The following IL5 variants were observed in gnomAD, a reference collection of about 807,000 sequenced individuals.
The protein encoded by IL5 is interleukin 5.
Under a neutral mutation model 16.3 loss-of-function variants are expected in IL5, and 12 were observed. That is an observed-to-expected ratio of 0.74 (90% CI 0.47 to 1.20). The LOEUF (loss-of-function observed/expected upper bound fraction) is 1.20. Ranked by LOEUF, IL5 falls within the 50% of genes most tolerant of loss-of-function variation. The probability of loss-of-function intolerance (pLI) is 0.00; values close to 1 mark genes in which losing one functional copy is unlikely to be tolerated. For synonymous variants in IL5, 54 were observed against 56.6 expected, an observed-to-expected ratio of 0.95 and a Z score of 0.21; for missense variants, 159 against 153.9, an observed-to-expected ratio of 1.03 and a Z score of -0.17.
chr5:132,554,866 C>T (rs1749947134), intron 1 of IL5, among the ~76,000 whole-genome samples: 1 of 152,126 alleles, frequency 6.6e-6, no homozygotes, highest in South Asian at 2.1e-4. Flanking sequence ...TTAAAAACGA[C>T]CTGAATTCTG....
intron 1 of IL5, 90 bp from the exon 2 acceptor site, chr5:132,543,216 C>T: frequency 1.4e-6 from 2 of 1,393,764 alleles, no homozygotes; most frequent in Middle Eastern, 1.8e-4. Context: ...AGTTATCACC[C>T]ATGTACTAAT....
At chr5:132,553,735 G>A (rs1190732761) in intron 1 of IL5, among the ~76,000 whole-genome samples, 1 of 151,954 alleles carries the variant, frequency 6.6e-6, no homozygotes, top group East Asian at 1.9e-4. Flanking sequence ...AGGGGATAGA[G>A]ACCATCCTGG....
At chr5:132,547,823 A>G (rs1247310965), upstream of IL5, among the ~76,000 whole-genome samples, 2 of 152,192 alleles carry the variant, frequency 1.3e-5, no homozygotes, top group Non-Finnish European at 2.9e-5. Flanking sequence ...TAACCCCAGC[A>G]CTTTGGGAGG....
intron 1 of IL5, among the ~76,000 whole-genome samples, chr5:132,548,740 C>A (rs187650303): frequency 2.0e-5 from 3 of 152,200 alleles, no homozygotes; most frequent in Admixed American, 2.0e-4. Flanking sequence ...CTTGAGCTAC[C>A]GGGATAAACT....
upstream of IL5, among the ~76,000 whole-genome samples, chr5:132,544,519 T>G (rs2149823813): frequency 6.6e-6 from 1 of 152,336 alleles, no homozygotes; most frequent in East Asian, 1.9e-4. Context: ...GTCCTCTCCT[T>G]TATGTCCCAT....
chr5:132,546,869 CA>C (rs1174648610), upstream of IL5, among the ~76,000 whole-genome samples: 1 of 151,830 alleles, frequency 6.6e-6, no homozygotes, highest in Non-Finnish European at 1.5e-5. Context: ...ACTAAAAATA[CA>C]AAAAAATTAG....
chr5:132,554,441 A>G (rs1358101335), intron 1 of IL5, among the ~76,000 whole-genome samples: 1 of 151,982 alleles, frequency 6.6e-6, no homozygotes, highest in African/African-American at 2.4e-5. Flanking sequence ...CAATAAACAC[A>G]TGAAATGATG....
chr5:132,544,085 A>ATT (rs1749746673), upstream of IL5, among the ~76,000 whole-genome samples: 1 of 152,208 alleles, frequency 6.6e-6, no homozygotes, highest in Non-Finnish European at 1.5e-5. Context: ...TAAAGAGGGA[A>ATT]GGTATTGGCT....
At position 132,556,548 on chromosome 5, in the gene IL5, T is replaced by C. The variant is rs937813614; in HGVS notation, c.42+126A>G. 5 of 362,834 alleles carry C rather than the reference T, an allele frequency of 1.4e-5. No individual in the cohort carries two copies. The Middle Eastern group carries it at 1.2e-3, about 90-fold the overall frequency. The allele number at this position is 362,834 out of a possible 1,614,324, so 22.5% of individuals were successfully genotyped here. A position where few individuals can be genotyped will look rare whatever the true frequency, so the allele number is the denominator to read the frequency against. On this transcript the variant is annotated intron_variant, in intron 1 of 2. Coordinates refer to the IL5 transcript ENST00000450655. ...GTATTTCTAAGCGCAAGAATACACA[T>C]GCGCACATTCCATTAACCGCCACTG...
At chr5:132,550,689 T>C (rs568999412) in intron 1 of IL5, among the ~76,000 whole-genome samples, 2 of 152,354 alleles carry the variant, frequency 1.3e-5, no homozygotes, top group South Asian at 2.1e-4. Flanking sequence ...AAAATAGCTT[T>C]GTTTAATCTT....
exon 1 of IL5, chr5:132,556,713 C>G (rs1270685928): frequency 1.3e-5 from 16 of 1,250,110 alleles, no homozygotes; most frequent in Admixed American, 3.2e-5. Context: ...CCACTACCCC[C>G]ATTCCAGGAG....
chr5:132,544,744 C>G (rs1285510023), upstream of IL5, among the ~76,000 whole-genome samples: 2 of 152,184 alleles, frequency 1.3e-5, no homozygotes, highest in Admixed American at 1.3e-4. Context: ...CCCAGAGTGG[C>G]TCTATGTTGC....
rs200806298 is a variant in IL5, at chr5:132,542,024, G to A, written c.297C>T (p.Asp99=). 25 of 1,613,646 alleles carry A rather than the reference G, an allele frequency of 1.5e-5. No individual in the cohort carries two copies. Among genetic ancestry groups the A allele is most frequent in the African/African-American group, 5.3e-5 (4 of 74,998 alleles). The part of the protein sequence containing the change: ...KNLSLIKKYI[D]GQKKKCGEER... Reference sequence around the variant, plus strand: ...AATGTGTGTAACTTACTTTTTGGCCGTCAATGTATTTCTTTATTAAGGACA... The same window carrying A: ...AATGTGTGTAACTTACTTTTTGGCCATCAATGTATTTCTTTATTAAGGACA... The change falls in exon 3 of 4, where the codon GAC becomes GAT. Residue 99 remains aspartate, a synonymous_variant. Coordinates refer to ENST00000231454, the MANE Select transcript of IL5 (RefSeq NM_000879.3).
Position 132,541,995 on chromosome 5 carries a change from A to G in IL5, c.306+20T>C. 6.2e-7 allele frequency: 1 copy of G among 1,613,668 alleles called. No homozygotes were observed. The highest frequency in any genetic ancestry group is 1.1e-5 in the South Asian group (1 of 90,956). ...GCACAGCCAGACAAATATAGCTTCC[A>G]TTGAATGTGTGTAACTTACTTTTTG... On this transcript the variant is annotated intron_variant, in intron 3 of 3. Coordinates refer to ENST00000231454, the MANE Select transcript of IL5 (RefSeq NM_000879.3).
At chr5:132,556,298 A>G (rs1749983185) in intron 1 of IL5, 1 of 152,210 alleles carries the variant, frequency 6.6e-6, no homozygotes, top group African/African-American at 2.4e-5. Context: ...GTTACTTCTG[A>G]GACAGGTAAC....
intron 1 of IL5, among the ~76,000 whole-genome samples, chr5:132,549,213 GC>G (rs1397433063): frequency 1.3e-5 from 2 of 152,084 alleles, no homozygotes; most frequent in Non-Finnish European, 2.9e-5. Context: ...CTGCCACCAC[GC>G]CCGGCTAACT....
In IL5 at chr5:132,542,056, T is replaced by G; in HGVS notation, c.265A>C (p.Lys89Gln). 6.2e-7 allele frequency: 1 copy of G among 1,613,994 alleles called. No homozygotes were observed. The highest frequency in any genetic ancestry group is 8.5e-7 in the Non-Finnish European group (1 of 1,179,862). Reference protein sequence around the residue: ...VQGGTVERLFKNLSLIKKYID... With the variant: ...VQGGTVERLFQNLSLIKKYID... Reference sequence around the variant, plus strand: ...TATTTCTTTATTAAGGACAAGTTTTTGAATAGTCTTTCCACAGTACCCCCT... The same window carrying G: ...TATTTCTTTATTAAGGACAAGTTTTGGAATAGTCTTTCCACAGTACCCCCT... Residue 89 changes from lysine to glutamine, a missense_variant, in exon 3 of 4, where the codon AAA (lysine) becomes CAA (glutamine). Transcript: ENST00000231454.
chr5:132,551,949 A>G (rs1223263434), intron 1 of IL5, among the ~76,000 whole-genome samples: 1 of 152,202 alleles, frequency 6.6e-6, no homozygotes, highest in African/African-American at 2.4e-5. Flanking sequence ...AATATCAGAA[A>G]AAAGGGAGAA....
chr5:132,542,633 A>C lies in IL5; in HGVS notation c.177+461T>G, dbSNP rs559079595. On this transcript the variant is annotated intron_variant, in intron 2 of 3. Coordinates refer to ENST00000231454, the MANE Select transcript of IL5 (RefSeq NM_000879.3). ...ATATGACCAGGACATATTCAAATGCATACAACACCATCATATAGTCATAAT... is the reference window on the plus strand; with the variant it reads ...ATATGACCAGGACATATTCAAATGCCTACAACACCATCATATAGTCATAAT... Among the ~76,000 whole-genome samples the C allele has an allele frequency of 5.3e-5, 8 of 152,350 alleles. No individual in the cohort carries two copies. The East Asian group carries it at 1.5e-3, about 29-fold the overall frequency.
Sources: allele counts gnomAD v4.1 joint callset (sites outside exome capture counted in the v4.1 genomes callset), GRCh38; gene constraint gnomAD v4.1.1; transcripts MANE v1.5; gene names NCBI Gene and HGNC (gene_info 2026-07-23, HGNC 2026-07-21).